The following XRRA1 variants were observed in gnomAD, a reference collection of about 807,000 sequenced individuals.
XRRA1 encodes the protein X-ray radiation resistance-associated protein 1.
In XRRA1, 69 loss-of-function variants were observed where a neutral mutation model predicts 80.2. The ratio of observed to expected loss-of-function variants is 0.86; its 90% confidence interval spans 0.71 to 1.05. The LOEUF is 1.05. Ranked by LOEUF, XRRA1 falls within the 50% of genes least tolerant of loss-of-function variation. The pLI is 0.00. For missense variants in XRRA1, 967 were observed against 976.4 expected (o/e 0.99, Z 0.13); for synonymous variants, 348 against 389.9 (o/e 0.89, Z 1.27).
intron 3 of XRRA1, among the ~76,000 whole-genome samples, chr11:74,939,144 G>T (rs190323209): frequency 6.6e-5 from 10 of 152,248 alleles, no homozygotes; most frequent in Admixed American, 6.5e-4. Flanking sequence ...TTGAGGTCAG[G>T]AGTTCGAGAC....
intron 7 of XRRA1, among the ~76,000 whole-genome samples, chr11:74,922,963 C>A (rs1332407635): frequency 6.6e-6 from 1 of 152,132 alleles, no homozygotes; most frequent in African/African-American, 2.4e-5. Flanking sequence ...CCTGTCCCTG[C>A]CCTTTAGGAG....
At chr11:74,909,471 G>A (rs981133005) in intron 8 of XRRA1, among the ~76,000 whole-genome samples, 6 of 152,166 alleles carry the variant, frequency 3.9e-5, no homozygotes, top group Non-Finnish European at 8.8e-5. Flanking sequence ...GCTCCATAAT[G>A]CAGAAGCTGG....
intron 2 of XRRA1, among the ~76,000 whole-genome samples, chr11:74,943,991 T>A (rs1946967594): frequency 6.6e-6 from 1 of 151,950 alleles, no homozygotes; most frequent in Admixed American, 6.5e-5. Flanking sequence ...CTGGCTAATT[T>A]TCGTATTTTT....
At chr11:74,913,735 A>C (rs2056378036) in intron 8 of XRRA1, 1 of 152,128 alleles carries the variant, frequency 6.6e-6, no homozygotes, top group African/African-American at 2.4e-5. Context: ...GAAAAGTTGC[A>C]AACACCCTAG....
At chr11:74,922,059 T>A (rs1325790636) in intron 7 of XRRA1, among the ~76,000 whole-genome samples, 1 of 151,904 alleles carries the variant, frequency 6.6e-6, no homozygotes. Flanking sequence ...AGATTAAGAC[T>A]ATCCTGGCTA....
chr11:74,940,956 G>T, intron 2 of XRRA1, 74 bp from the exon 3 acceptor site: 2 of 1,144,802 alleles, frequency 1.7e-6, no homozygotes, highest in Non-Finnish European at 2.5e-6. Flanking sequence ...CTCCAGTGCA[G>T]CTCATGAGCC....
At position 74,851,168 on chromosome 11, in the gene XRRA1, G is replaced by T; in HGVS notation, c.1300C>A (p.Arg434=). 1 of 1,612,866 alleles carries T rather than the reference G, an allele frequency of 6.2e-7. No homozygotes were observed. The highest frequency in any genetic ancestry group is 8.5e-7 in the Non-Finnish European group (1 of 1,179,312). ...PPLLKSFLQE[R]LGIHLIRRKI... ...CTTCGAATTAAGTGGATTCCCAGTC[G>T]CTCCTGGAGGAAGCTCTTCAGCAGT... Residue 434 remains arginine (R), a synonymous_variant, in exon 14 of 19, where the codon CGA becomes AGA. Transcript: ENST00000684022.
chr11:74,944,293 T>C (rs186540337), intron 2 of XRRA1, among the ~76,000 whole-genome samples: 7 of 152,298 alleles, frequency 4.6e-5, no homozygotes, highest in Admixed American at 1.3e-4. Context: ...AATAGACATG[T>C]GAGCCAAGTG....
rs747347205 is a variant in XRRA1 at position 74,844,269 on chromosome 11, C to T, written c.1942G>A (p.Ala648Thr). Reference protein sequence around the residue: ...FIEPKGIQKNAQALQQMLKHP... With the variant: ...FIEPKGIQKNTQALQQMLKHP... ...TTCAGCATTTGTTGCAGGGCTTGTG[C>T]ATTCTTCTGGATTCCTAGGGCAAGA... The change falls in exon 17 of 19, where the codon GCA becomes ACA. Residue 648 changes from alanine (A) to threonine (T), a missense_variant. Coordinates refer to ENST00000684022, the MANE Select transcript of XRRA1 (RefSeq NM_001378157.1). 1.9e-6 allele frequency: 3 copies of T among 1,612,888 alleles called. No homozygotes were observed. The highest frequency in any genetic ancestry group is 2.2e-5 in the East Asian group (1 of 44,866).
intron 8 of XRRA1, chr11:74,910,744 T>C (rs2138395973): frequency 6.6e-6 from 1 of 152,342 alleles, no homozygotes; most frequent in East Asian, 1.9e-4. Context: ...GATAGGAGGA[T>C]GGGCTGGGAG....
At chr11:74,914,402 C>T (rs751209605) in intron 8 of XRRA1, among the ~76,000 whole-genome samples, 1 of 152,220 alleles carries the variant, frequency 6.6e-6, no homozygotes, top group Non-Finnish European at 1.5e-5. Context: ...GGTTCTACAA[C>T]AGGTCCCAAC....
chr11:74,852,776 G>C (rs896131765), intron 12 of XRRA1, among the ~76,000 whole-genome samples: 1 of 152,200 alleles, frequency 6.6e-6, no homozygotes, highest in Non-Finnish European at 1.5e-5. Flanking sequence ...GGAAAAGCTG[G>C]ACCATCTTGG....
At chr11:74,892,154 G>A (rs2050912255) in intron 10 of XRRA1, among the ~76,000 whole-genome samples, 1 of 151,896 alleles carries the variant, frequency 6.6e-6, no homozygotes, top group South Asian at 2.1e-4. Flanking sequence ...ACTTCAAACT[G>A]TACTACAAGG....
chr11:74,882,444 C>A (rs1448657774), intron 10 of XRRA1, among the ~76,000 whole-genome samples: 1 of 151,932 alleles, frequency 6.6e-6, no homozygotes, highest in Non-Finnish European at 1.5e-5. Context: ...ACTTCTTTGA[C>A]TTTGGTTTGA....
intron 12 of XRRA1, among the ~76,000 whole-genome samples, chr11:74,858,171 C>T (rs1031687674): frequency 2.0e-5 from 3 of 152,022 alleles, no homozygotes; most frequent in African/African-American, 7.2e-5. Context: ...AAGAAAAAGT[C>T]AATGAAAGAG....
intron 16 of XRRA1, 101 bp from the exon 17 acceptor site, chr11:74,844,384 A>G (rs2037426663): frequency 2.4e-6 from 2 of 848,750 alleles, no homozygotes; most frequent in African/African-American, 1.7e-5. Flanking sequence ...AGCTCTAGGT[A>G]AAAGGATTTG....
At chr11:74,863,086 G>A (rs2042651729) in intron 10 of XRRA1, 65 bp from the exon 11 acceptor site, 2 of 1,463,948 alleles carry the variant, frequency 1.4e-6, no homozygotes, top group East Asian at 2.4e-5. Context: ...GAGCACCCAG[G>A]ATATAGGTCT....
At chr11:74,904,578 GAAAA>G (rs372878861) in intron 10 of XRRA1, among the ~76,000 whole-genome samples, 1 of 150,198 alleles carries the variant, frequency 6.7e-6, no homozygotes, top group Non-Finnish European at 1.5e-5. Context: ...CTCACAAGAA[GAAAA>G]AAAAGAAAAA....
At chr11:74,946,966 T>G (rs1316677348) in intron 1 of XRRA1, among the ~76,000 whole-genome samples, 1 of 152,100 alleles carries the variant, frequency 6.6e-6, no homozygotes, top group Non-Finnish European at 1.5e-5. Flanking sequence ...TTAGCCATGA[T>G]GGTCTTGATC....
Sources: gnomAD v4.1 joint callset for allele counts (sites outside exome capture counted in the v4.1 genomes callset) on GRCh38, gnomAD v4.1.1 for gene constraint, MANE v1.5 for transcripts, NCBI Gene and HGNC (gene_info 2026-07-23, HGNC 2026-07-21) for gene names.